PCDH11X: variants seen among roughly 807,000 people sequenced by gnomAD.
PCDH11X encodes the protein protocadherin-11 X-linked.
A neutral mutation model predicts 53.3 loss-of-function variants in PCDH11X; 18 were observed. The observed-to-expected ratio is 0.34, with a 90% CI of 0.23 to 0.50. PCDH11X has a LOEUF of 0.50. Among genes scored for constraint, PCDH11X ranks in the 20% least tolerant of loss-of-function variants. PCDH11X has a pLI of 0.98. For synonymous variants in PCDH11X, 279 were observed against 393.3 expected (o/e 0.71, Z 3.44); for missense variants, 570 against 1,032.4 (o/e 0.55, Z 6.14).
At chrX:92,233,771 A>G (rs114518920) in intron 7 of PCDH11X, among the ~76,000 whole-genome samples, 6,140 of 112,131 alleles carry the variant, frequency 0.055, 228 homozygotes, top group East Asian at 0.23. Context: ...AAACTTAACT[A>G]ATAAAGGCCA....
At chrX:92,181,528 C>T (rs1160069193) in intron 6 of PCDH11X, among the ~76,000 whole-genome samples, 1 of 111,706 alleles carries the variant, frequency 9.0e-6, no homozygotes, top group African/African-American at 3.3e-5. Flanking sequence ...GTCTCCAGGG[C>T]ACATCAAGGA....
chrX:92,503,027 GA>G lies in PCDH11X; in HGVS notation c.3367+34713del, dbSNP rs762991376. Reference sequence around the variant, plus strand: ...ATCTACAAGGAACTTAAATTTACAAGAAAAAAAACAAACACCTTCATAAAAA... The same window carrying G: ...ATCTACAAGGAACTTAAATTTACAAGAAAAAAACAAACACCTTCATAAAAA... On this transcript the variant is annotated intron_variant, in intron 10 of 10. Transcript: ENST00000682573. 9.3e-3 allele frequency among the ~76,000 whole-genome samples: 974 copies of G among 104,735 alleles called. 9 individuals carry two copies. The highest frequency in any genetic ancestry group is 0.032 in the African/African-American group (928 of 28,889). 90.9% of individuals were successfully genotyped at this position (104,735 alleles called of 115,157 possible).
intron 6 of PCDH11X, among the ~76,000 whole-genome samples, chrX:92,166,100 T>C (rs750532204): frequency 6.7e-4 from 74 of 110,434 alleles, no homozygotes; most frequent in Middle Eastern, 4.9e-3. Context: ...TAGTGTACAG[T>C]AATATTAATA....
At chrX:92,051,263 C>A (rs941168663) in intron 6 of PCDH11X, among the ~76,000 whole-genome samples, 1 of 111,515 alleles carries the variant, frequency 9.0e-6, no homozygotes, top group Non-Finnish European at 1.9e-5. Flanking sequence ...TTTAATTTCC[C>A]AGTGTTGGTT....
chrX:92,565,697 G>A (rs1435448686), intron 10 of PCDH11X, among the ~76,000 whole-genome samples: 2 of 107,473 alleles, frequency 1.9e-5, no homozygotes, highest in Admixed American at 2.0e-4. Flanking sequence ...AAAACAATTA[G>A]AAAAAACGAA....
Position 91,981,327 on chromosome X carries a change from CTA to C in PCDH11X, c.3033+102056_3033+102057del, listed in dbSNP as rs1331415867. On this transcript the variant is annotated intron_variant, in intron 6 of 10. Transcript: ENST00000682573. The stretch of plus-strand genomic sequence containing the variant: ...TCCATCACACTGGTTCCTATCTGGG[CTA>C]TGTTTTCAATTATTCAAGAAAAATT... Among the ~76,000 whole-genome samples the C allele has an allele frequency of 3.7e-5, 4 of 109,435 alleles. No homozygotes were observed. The Admixed American group carries it at 4.0e-4, about 11-fold the overall frequency.
At position 91,814,713 on chromosome X, in the gene PCDH11X, G is replaced by C. The variant is rs1351863863; in HGVS notation, c.-45+3418G>C. ...ATGATTAAACCTTCTTTCAATCACA[G>C]ATGGCTAGAACAAGAAAAGATCTTA... is the stretch of plus-strand genomic sequence containing the variant. On this transcript the variant is annotated intron_variant, in intron 4 of 10. Transcript: ENST00000682573. Among the ~76,000 whole-genome samples the C allele has an allele frequency of 6.6e-5, 6 of 91,260 alleles. No homozygotes were observed. In the Admixed American group the frequency reaches 7.7e-4, roughly 12 times the overall value. The allele number at this position is 91,260 out of a possible 115,157, so 79.2% of individuals were successfully genotyped here.
At chrX:92,144,368 G>A (rs1365031578) in intron 6 of PCDH11X, among the ~76,000 whole-genome samples, 2 of 110,309 alleles carry the variant, frequency 1.8e-5, no homozygotes, top group Non-Finnish European at 3.8e-5. Context: ...GAATTCCCAC[G>A]TGTTGTGCGA....
intron 6 of PCDH11X, among the ~76,000 whole-genome samples, chrX:92,180,830 C>T (rs1294151042): frequency 9.1e-6 from 1 of 110,234 alleles, no homozygotes; most frequent in Non-Finnish European, 1.9e-5. Flanking sequence ...TGAGGCCTCT[C>T]CAGCCATGTG....
intron 10 of PCDH11X, among the ~76,000 whole-genome samples, chrX:92,525,679 G>A: frequency 9.5e-6 from 1 of 105,681 alleles, no homozygotes; most frequent in Admixed American, 1.0e-4. Flanking sequence ...ATCAGTTCTT[G>A]GCCAACCATG....
chrX:92,073,425 T>G (rs1335286412), intron 6 of PCDH11X, among the ~76,000 whole-genome samples: 1 of 112,555 alleles, frequency 8.9e-6, no homozygotes, highest in Non-Finnish European at 1.9e-5. Flanking sequence ...TATTGTCCTT[T>G]TACTTTAAGC....
intron 10 of PCDH11X, among the ~76,000 whole-genome samples, chrX:92,534,323 A>G (rs187204627): frequency 0.012 from 1,337 of 111,305 alleles, 21 homozygotes; most frequent in African/African-American, 0.042. Context: ...GATCAAATGA[A>G]TGAAATGAAG....
intron 6 of PCDH11X, among the ~76,000 whole-genome samples, chrX:92,073,686 T>C (rs1291636327): frequency 8.9e-6 from 1 of 112,363 alleles, no homozygotes; most frequent in African/African-American, 3.2e-5. Context: ...TAACTGATGG[T>C]CATTGTTGAA....
At chrX:91,955,422 T>C (rs1436484069) in intron 6 of PCDH11X, among the ~76,000 whole-genome samples, 1 of 110,832 alleles carries the variant, frequency 9.0e-6, no homozygotes, top group Non-Finnish European at 1.9e-5. Context: ...CATTTAATGC[T>C]ATAAATTTCC....
chrX:91,964,816 A>G (rs1392818591), intron 6 of PCDH11X, among the ~76,000 whole-genome samples: 1 of 111,354 alleles, frequency 9.0e-6, no homozygotes, highest in African/African-American at 3.3e-5. Context: ...TTTAATGACT[A>G]GGGTACGGGC....
intron 7 of PCDH11X, among the ~76,000 whole-genome samples, chrX:92,259,001 CT>C (rs1215399072): frequency 9.0e-6 from 1 of 110,775 alleles, no homozygotes; most frequent in Non-Finnish European, 1.9e-5. Context: ...TAAAGGTAAC[CT>C]TTGCTCCAGA....
intron 6 of PCDH11X, among the ~76,000 whole-genome samples, chrX:91,898,561 A>T (rs1360502635): frequency 9.2e-6 from 1 of 108,773 alleles, no homozygotes; most frequent in Non-Finnish European, 1.9e-5. Flanking sequence ...AATTACTGAC[A>T]ATATTGACTA....
At chrX:92,250,359 T>C (rs1215537481) in intron 7 of PCDH11X, among the ~76,000 whole-genome samples, 1 of 110,386 alleles carries the variant, frequency 9.1e-6, no homozygotes, top group Non-Finnish European at 1.9e-5. Flanking sequence ...TATGAAATAG[T>C]ACAGTTGCTT....
chrX:92,044,007 G>T (rs1359723222), intron 6 of PCDH11X, among the ~76,000 whole-genome samples: 1 of 111,444 alleles, frequency 9.0e-6, no homozygotes, highest in Non-Finnish European at 1.9e-5. Context: ...TAAGGATATA[G>T]TCTAGCTGCT....
Sources: gnomAD v4.1 joint callset for allele counts (sites outside exome capture counted in the v4.1 genomes callset) on GRCh38, gnomAD v4.1.1 for gene constraint, MANE v1.5 for transcripts, NCBI Gene and HGNC (gene_info 2026-07-23, HGNC 2026-07-21) for gene names.